The following VWA8 variants were observed in gnomAD, a reference collection of about 807,000 sequenced individuals.
The protein encoded by VWA8 is von Willebrand factor A domain-containing protein 8.
In VWA8, 221 loss-of-function variants were observed where a neutral mutation model predicts 241.5. The ratio of observed to expected loss-of-function variants is 0.91; its 90% CI spans 0.82 to 1.02. The LOEUF is 1.02. Among genes scored for constraint, VWA8 ranks in the 50% least tolerant of loss-of-function variants. The probability of loss-of-function intolerance (pLI) is 0.00; values close to 1 mark genes in which losing one functional copy is unlikely to be tolerated. For synonymous variants in VWA8, 852 were observed against 827.1 expected (o/e 1.03, Z -0.52); for missense variants, 2,322 against 2,328.7 (o/e 1.00, Z 0.06).
At chr13:41,805,495 C>G (rs997487014) in intron 17 of VWA8, among the ~76,000 whole-genome samples, 4 of 152,116 alleles carry the variant, frequency 2.6e-5, no homozygotes, top group Non-Finnish European at 5.9e-5. Flanking sequence ...TTGGACAGAT[C>G]ACCCAGACAG....
chr13:41,575,901 T>C, intron 42 of VWA8, 63 bp from the exon 43 acceptor site: 1 of 1,251,608 alleles, frequency 8.0e-7, no homozygotes, highest in Non-Finnish European at 1.1e-6. Context: ...CATTAGATCT[T>C]TAATGTTCAA....
At chr13:41,603,555 G>C (rs1188822535) in intron 40 of VWA8, among the ~76,000 whole-genome samples, 2 of 152,110 alleles carry the variant, frequency 1.3e-5, no homozygotes, top group African/African-American at 2.4e-5. Flanking sequence ...ATATCCCTTT[G>C]TAGCACTGTG....
At chr13:41,868,690 C>G (rs964531516) in intron 9 of VWA8, among the ~76,000 whole-genome samples, 2 of 151,682 alleles carry the variant, frequency 1.3e-5, no homozygotes, top group Non-Finnish European at 2.9e-5. Flanking sequence ...TCGAGACCAT[C>G]CTGGCTAACA....
At chr13:41,899,762 G>C (rs1875331091) in intron 4 of VWA8, among the ~76,000 whole-genome samples, 1 of 152,144 alleles carries the variant, frequency 6.6e-6, no homozygotes, top group South Asian at 2.1e-4. Flanking sequence ...AAGTAATATA[G>C]CAACAACGTA....
intron 23 of VWA8, among the ~76,000 whole-genome samples, chr13:41,728,546 T>C (rs1216197338): frequency 1.3e-5 from 2 of 151,972 alleles, no homozygotes; most frequent in East Asian, 3.9e-4. Flanking sequence ...TCAGCAATTC[T>C]TTCTTCTTTT....
At chr13:41,932,214 G>A (rs1033405848) in intron 2 of VWA8, among the ~76,000 whole-genome samples, 3 of 151,826 alleles carry the variant, frequency 2.0e-5, no homozygotes, top group African/African-American at 7.2e-5. Flanking sequence ...CCACAACTTA[G>A]AAGAAATGAA....
intron 37 of VWA8, among the ~76,000 whole-genome samples, chr13:41,664,024 C>T (rs549849287): frequency 6.6e-6 from 1 of 151,732 alleles, no homozygotes; most frequent in Admixed American, 6.6e-5. Context: ...TTTTGCCCAA[C>T]TGGGAATTAC....
chr13:41,604,567 T>C (rs1005747530), intron 40 of VWA8, among the ~76,000 whole-genome samples: 9 of 151,974 alleles, frequency 5.9e-5, no homozygotes, highest in African/African-American at 2.2e-4. Context: ...AGAAGGACAA[T>C]TACAAATAAG....
In VWA8 at chr13:41,642,693, C is replaced by T. The variant is rs560660237; in HGVS notation, c.4612-27609G>A. Among the ~76,000 whole-genome samples, 3 of 152,144 alleles carry T rather than the reference C, an allele frequency of 2.0e-5. No homozygotes were observed. In the East Asian group the frequency reaches 5.8e-4, roughly 29 times the overall value. On this transcript the variant is annotated intron_variant, in intron 37 of 44. Coordinates refer to ENST00000379310, the MANE Select transcript of VWA8 (RefSeq NM_015058.2). ...CCCGTAATCCCAGCACTTTGGGAGG[C>T]TGAGGTGGGTGGATCACCTGAGGTC...
intron 26 of VWA8, among the ~76,000 whole-genome samples, chr13:41,714,981 A>C (rs1347618753): frequency 6.6e-6 from 1 of 151,916 alleles, no homozygotes; most frequent in East Asian, 1.9e-4. Context: ...CAATCTACAT[A>C]TCAATCTGTT....
At chr13:41,768,985 C>T (rs918885903) in intron 20 of VWA8, among the ~76,000 whole-genome samples, 10 of 151,440 alleles carry the variant, frequency 6.6e-5, no homozygotes, top group Non-Finnish European at 1.5e-5. Context: ...TCACCGCAAC[C>T]TGCACCTCCT....
At chr13:41,898,621 G>A (rs1387403278) in intron 4 of VWA8, among the ~76,000 whole-genome samples, 1 of 152,254 alleles carries the variant, frequency 6.6e-6, no homozygotes, top group East Asian at 1.9e-4. Context: ...TGGGCGCCGT[G>A]GAGCAGGGGG....
At chr13:41,674,103 A>G (rs2045043883) in intron 36 of VWA8, among the ~76,000 whole-genome samples, 1 of 152,232 alleles carries the variant, frequency 6.6e-6, no homozygotes, top group Admixed American at 6.5e-5. Flanking sequence ...GGATGTTCCA[A>G]GAAGTCATAC....
At position 41,721,535 on chromosome 13, in the gene VWA8, G is replaced by A. The variant is rs1385152344; in HGVS notation, c.2799C>T (p.Pro933=). 3.1e-6 allele frequency: 5 copies of A among 1,613,570 alleles called. No individual in the cohort carries two copies. Among genetic ancestry groups the A allele is most frequent in the Non-Finnish European group, 4.2e-6 (5 of 1,179,796 alleles). Residue 933 remains proline (P), a synonymous_variant, in exon 25 of 45, where the codon CCC becomes CCT. Coordinates refer to ENST00000379310, the MANE Select transcript of VWA8 (RefSeq NM_015058.2). ...FSCHAVDNPK[P]HSELEMLRQY... The stretch of plus-strand genomic sequence containing the variant: ...GTCTGAGCATCTCGAGCTCCGAGTG[G>A]GGTTTGGGGTTATCAACTGCATGGC...
chr13:41,949,999 T>C lies in VWA8; in HGVS notation c.178A>G (p.Ile60Val). ...SGADTGDTVN[I>V]GDVSYKLKIP... The stretch of plus-strand genomic sequence containing the variant: ...TTCAACTTGTAGGATACATCTCCAA[T>C]ATTAACTGTATCACCTAAAAAGAGA... Residue 60 changes from isoleucine to valine, a missense_variant, in exon 2 of 45, where the codon ATT (isoleucine) becomes GTT (valine). Coordinates refer to ENST00000379310, the MANE Select transcript of VWA8 (RefSeq NM_015058.2). 2.5e-6 allele frequency: 4 copies of C among 1,581,244 alleles called. No individual in the cohort carries two copies. Among genetic ancestry groups the C allele is most frequent in the Non-Finnish European group, 3.4e-6 (4 of 1,160,036 alleles).
chr13:41,926,450 G>A, intron 2 of VWA8: 1 of 524,704 alleles, frequency 1.9e-6, no homozygotes. Context: ...CATCACTTAT[G>A]ACAATGCGCT....
intron 37 of VWA8, among the ~76,000 whole-genome samples, chr13:41,632,328 CAGAATTCTCTG>C (rs2044731791): frequency 6.6e-6 from 1 of 152,096 alleles, no homozygotes; most frequent in African/African-American, 2.4e-5. Context: ...TCCATCCCAA[CAGAATTCTCTG>C]AGGTGTTAAG....
intron 37 of VWA8, among the ~76,000 whole-genome samples, chr13:41,656,766 G>A (rs191810356): frequency 2.0e-5 from 3 of 152,166 alleles, no homozygotes; most frequent in South Asian, 2.1e-4. Context: ...CTGAAGTCCC[G>A]GACTCCAAGA....
intron 37 of VWA8, among the ~76,000 whole-genome samples, chr13:41,669,291 T>A (rs1313525258): frequency 1.3e-5 from 2 of 152,374 alleles, no homozygotes; most frequent in Middle Eastern, 3.4e-3. Flanking sequence ...ACTTAATAAC[T>A]ATATATCCTC....
Sources: allele counts gnomAD v4.1 joint callset (sites outside exome capture counted in the v4.1 genomes callset), GRCh38; gene constraint gnomAD v4.1.1; transcripts MANE v1.5; gene names NCBI Gene and HGNC (gene_info 2026-07-23, HGNC 2026-07-21).